KIRREL1: variants seen among roughly 807,000 people sequenced by gnomAD.
KIRREL1 encodes kirre like nephrin family adhesion molecule 1.
In KIRREL1, 25 loss-of-function variants were observed where a neutral mutation model predicts 83.3. The ratio of observed to expected loss-of-function variants is 0.30; its 90% CI spans 0.22 to 0.42. The LOEUF is 0.42. Ranked by LOEUF, KIRREL1 falls within the 10% of genes least tolerant of loss-of-function variation. The probability of loss-of-function intolerance (pLI) is 1.00; values close to 1 mark genes in which losing one functional copy is unlikely to be tolerated. For synonymous variants in KIRREL1, 388 were observed against 410.4 expected, an observed-to-expected ratio of 0.95 and a Z score of 0.66; for missense variants, 812 against 1,032.3, an observed-to-expected ratio of 0.79 and a Z score of 2.92.
Position 158,092,421 on chromosome 1 carries a change from C to T in KIRREL1, c.1471+865C>T, listed in dbSNP as rs374956799. 3.5e-5 allele frequency among the ~76,000 whole-genome samples: 5 copies of T among 142,456 alleles called. No individual in the cohort carries two copies. In the East Asian group the frequency reaches 8.4e-4, roughly 24 times the overall value. The allele number at this position is 142,456 out of a possible 152,430, so 93.5% of individuals were successfully genotyped here. On this transcript the variant is annotated intron_variant, in intron 11 of 14. Coordinates refer to ENST00000359209, the MANE Select transcript of KIRREL1 (RefSeq NM_018240.7). ...GGAGTGCAGTGGTGCGATCTTGGCTCATTGCAACCTGTGCCTTCCGGGTTC... is the reference window on the plus strand; with the variant it reads ...GGAGTGCAGTGGTGCGATCTTGGCTTATTGCAACCTGTGCCTTCCGGGTTC...
At chr1:158,032,074 A>T (rs1237207170) in intron 1 of KIRREL1, among the ~76,000 whole-genome samples, 1 of 133,060 alleles carries the variant, frequency 7.5e-6, no homozygotes, top group Non-Finnish European at 1.6e-5. Flanking sequence ...GCCAGATCCT[A>T]TAAATGAGAA....
intron 1 of KIRREL1, among the ~76,000 whole-genome samples, chr1:157,999,575 C>G (rs1310870210): frequency 2.6e-5 from 4 of 152,152 alleles, no homozygotes; most frequent in Non-Finnish European, 4.4e-5. Flanking sequence ...ATGTTTCCAT[C>G]TGAGGCTAGA....
chr1:158,064,934 T>A (rs1661319705), intron 1 of KIRREL1, among the ~76,000 whole-genome samples: 2 of 65,616 alleles, frequency 3.0e-5, no homozygotes, highest in Non-Finnish European at 5.2e-5. Flanking sequence ...CCTGCTGGTC[T>A]TTTTTTTTTT....
At chr1:158,005,933 G>A (rs2101628185) in intron 1 of KIRREL1, among the ~76,000 whole-genome samples, 1 of 152,284 alleles carries the variant, frequency 6.6e-6, no homozygotes, top group African/African-American at 2.4e-5. Flanking sequence ...TGTGAGAGAA[G>A]CCTGGTCCTT....
At chr1:158,064,016 T>A (rs1661296926) in intron 1 of KIRREL1, among the ~76,000 whole-genome samples, 1 of 152,212 alleles carries the variant, frequency 6.6e-6, no homozygotes, top group Non-Finnish European at 1.5e-5. Flanking sequence ...CATGAATAGA[T>A]GTATGTTGAA....
In KIRREL1 at chr1:158,100,234, A is replaced by C. The variant is rs903038386; in HGVS notation, c.*5114A>C. 1 of 148,990 alleles carries C rather than the reference A, an allele frequency of 6.7e-6. No individual in the cohort carries two copies. Among genetic ancestry groups the C allele is most frequent in the South Asian group, 2.1e-4 (1 of 4,802 alleles). 9.2% of individuals were successfully genotyped at this position (148,990 alleles called of 1,614,324 possible). ...TATTATATATATTTAATTTTTTTAT[A>C]TATATAAATATAAATGTTTTAAAAA... On this transcript the variant is annotated 3_prime_UTR_variant, in exon 15 of 15. Transcript: ENST00000359209.
rs893620788 is a variant in KIRREL1, at chr1:158,084,567, T to G, written c.498T>G (p.Ala166=). 5 of 1,551,552 alleles carry G rather than the reference T, an allele frequency of 3.2e-6. No individual in the cohort carries two copies. In the African/African-American group the frequency reaches 4.1e-5, roughly 13 times the overall value. Residue 166 remains alanine (A), a synonymous_variant, in exon 4 of 15, where the codon GCT becomes GCG. Coordinates refer to ENST00000359209, the MANE Select transcript of KIRREL1 (RefSeq NM_018240.7). ...WFRDGTQQEG[A]VASTELLKDG... ...GGGACGGGACGCAGCAGGAGGGCGCTGTGGCCAGCACGGTGAGCTCCAGCC... is the reference window on the plus strand; with the variant it reads ...GGGACGGGACGCAGCAGGAGGGCGCGGTGGCCAGCACGGTGAGCTCCAGCC...
In KIRREL1 at chr1:158,093,339, A is replaced by G. The variant is rs757831611; in HGVS notation, c.1472A>G (p.Glu491Gly). The G allele has an allele frequency of 6.2e-7, 1 of 1,613,030 alleles. No individual in the cohort carries two copies. Among genetic ancestry groups the G allele is most frequent in the African/African-American group, 1.3e-5 (1 of 74,930 alleles). Residue 491 changes from glutamate to glycine, a missense_variant and splice_region_variant, in exon 12 of 15, where the codon GAG becomes GGG. By Grantham distance (98) the Glu-to-Gly change is moderately conservative. Transcript: ENST00000359209. ...TCCACCTTTCCTTCCCCATCGAAAG[A>G]GGTGTTACCTGTGGGCATCATAGCT... Reference protein sequence around the residue: ...GTAIIQLEEREVLPVGIIAGA... With the variant: ...GTAIIQLEERGVLPVGIIAGA...
At chr1:158,091,596 GC>G (rs1204171840) in intron 11 of KIRREL1, 40 bp downstream of exon 11, 3 of 1,591,454 alleles carry the variant, frequency 1.9e-6, no homozygotes, top group South Asian at 2.2e-5. Flanking sequence ...GTGCAGAGCA[GC>G]CTGAGGATTC....
At chr1:158,043,767 G>C (rs576567962) in intron 1 of KIRREL1, among the ~76,000 whole-genome samples, 1 of 152,276 alleles carries the variant, frequency 6.6e-6, no homozygotes, top group African/African-American at 2.4e-5. Flanking sequence ...CACTGGGGGT[G>C]GGGGTGCGGC....
chr1:158,024,945 T>C (rs1209144843), intron 1 of KIRREL1, among the ~76,000 whole-genome samples: 2 of 152,170 alleles, frequency 1.3e-5, no homozygotes, highest in African/African-American at 2.4e-5. Context: ...CCTTCCGATT[T>C]CTTCAGCCAC....
In KIRREL1 at chr1:158,091,479, A is replaced by G; in HGVS notation, c.1394A>G (p.Asp465Gly). ...ACCATCAACAATGTCATGGAGGCCG[A>G]CTTTCAGACTCACTACAACTGCACC... is the stretch of plus-strand genomic sequence containing the variant. ...TLTINNVMEA[D>G]FQTHYNCTAW... Residue 465 changes from aspartate (D) to glycine (G), a missense_variant, in exon 11 of 15, where the codon GAC (aspartate) becomes GGC (glycine). Transcript: ENST00000359209. 6.2e-7 allele frequency: 1 copy of G among 1,614,252 alleles called. No individual in the cohort carries two copies. The highest frequency in any genetic ancestry group is 8.5e-7 in the Non-Finnish European group (1 of 1,180,052).
At position 158,091,403 on chromosome 1, in the gene KIRREL1, C is replaced by T. The variant is rs764090370; in HGVS notation, c.1318C>T (p.Arg440Cys). Residue 440 changes from arginine to cysteine, a missense_variant, in exon 11 of 15, where the codon CGC (arginine) becomes TGC (cysteine). By Grantham distance (180) the Arg-to-Cys change is radical (BLOSUM62 -3). Around this residue, in one of 3 missense-constraint regions of KIRREL1, gnomAD observed 472 missense variants for 626.8 expected, o/e 0.75. Coordinates refer to ENST00000359209, the MANE Select transcript of KIRREL1 (RefSeq NM_018240.7). ...CTTCTTGGAGGTGGGGACCCTGGAA[C>T]GCTATACAGTGGAGAGGACCAACTC... is the stretch of plus-strand genomic sequence containing the variant. ...ENFLEVGTLE[R>C]YTVERTNSGS... 7 of 1,614,178 alleles carry T rather than the reference C, an allele frequency of 4.3e-6. No individual in the cohort carries two copies. Among genetic ancestry groups the T allele is most frequent in the East Asian group, 2.2e-5 (1 of 44,872 alleles).
rs1161637221 is a variant in KIRREL1 at position 157,994,200 on chromosome 1, C to A, written c.52+472C>A. On this transcript the variant is annotated intron_variant, in intron 1 of 14. Coordinates refer to ENST00000359209, the MANE Select transcript of KIRREL1 (RefSeq NM_018240.7). ...TCCCGAAGATGTTGCCAAGGGGATC[C>A]CCCTACTCCAGCCCAGCCCCTCGGG... Among the ~76,000 whole-genome samples the A allele has an allele frequency of 3.3e-5, 5 of 152,130 alleles. No homozygotes were observed. The East Asian group carries it at 5.8e-4, about 18-fold the overall frequency.
chr1:158,063,353 A>G (rs1277764753), intron 1 of KIRREL1, among the ~76,000 whole-genome samples: 2 of 144,768 alleles, frequency 1.4e-5, no homozygotes, highest in Non-Finnish European at 3.1e-5. Context: ...ACAAGCATCT[A>G]TTAAGGCTGT....
At chr1:158,065,695 G>C (rs1661339636) in intron 1 of KIRREL1, among the ~76,000 whole-genome samples, 1 of 151,962 alleles carries the variant, frequency 6.6e-6, no homozygotes, top group South Asian at 2.1e-4. Flanking sequence ...TCCCTCCTTG[G>C]CTAATCCTTT....
chr1:158,072,918 A>G (rs1213187719), intron 1 of KIRREL1, among the ~76,000 whole-genome samples: 1 of 151,994 alleles, frequency 6.6e-6, no homozygotes, highest in Admixed American at 6.6e-5. Context: ...TTACAATGTA[A>G]AAGGGGGATG....
At chr1:158,015,432 C>G (rs1659802553) in intron 1 of KIRREL1, among the ~76,000 whole-genome samples, 1 of 152,194 alleles carries the variant, frequency 6.6e-6, no homozygotes, top group South Asian at 2.1e-4. Flanking sequence ...GAGTTGGGAA[C>G]CAAGATGGAA....
intron 1 of KIRREL1, among the ~76,000 whole-genome samples, chr1:157,995,324 G>A (rs562382745): frequency 4.4e-4 from 67 of 152,364 alleles, no homozygotes; most frequent in African/African-American, 1.6e-3. Context: ...CATCTGTGGT[G>A]TGAGCCAGGA....
Sources: allele counts gnomAD v4.1 joint callset (sites outside exome capture counted in the v4.1 genomes callset), GRCh38; gene constraint gnomAD v4.1.1; regional missense constraint gnomAD v4.1.1; transcripts MANE v1.5; gene names NCBI Gene and HGNC (gene_info 2026-07-23, HGNC 2026-07-21).